AKR1C2: variants seen among roughly 807,000 people sequenced by gnomAD.
AKR1C2 encodes the protein aldo-keto reductase family 1 member C2, also known as 3-alpha-HSD3.
A neutral mutation model predicts 39.8 loss-of-function variants in AKR1C2; 27 were observed. That is an observed-to-expected ratio of 0.68 (90% CI 0.50 to 0.93). The LOEUF is 0.93. Among genes scored for constraint, AKR1C2 ranks in the 40% least tolerant of loss-of-function variants. AKR1C2 has a pLI of 0.00. For missense variants in AKR1C2, 263 were observed against 365.1 expected, an observed-to-expected ratio of 0.72 and a Z score of 2.28; for synonymous variants, 114 against 137.9, an observed-to-expected ratio of 0.83 and a Z score of 1.22.
rs1400412253 is a variant in AKR1C2 at position 4,988,897 on chromosome 10, T to C, written c.*1099A>G. The C allele has an allele frequency of 6.6e-6, 1 of 152,116 alleles. No individual in the cohort carries two copies. The highest frequency in any genetic ancestry group is 1.5e-5 in the Non-Finnish European group (1 of 68,036). 9.4% of individuals were successfully genotyped at this position (152,116 alleles called of 1,614,324 possible). A position where few individuals can be genotyped will look rare whatever the true frequency, so the allele number is the denominator to read the frequency against. On this transcript the variant is annotated 3_prime_UTR_variant, in exon 9 of 9. Coordinates refer to ENST00000380753, the MANE Select transcript of AKR1C2 (RefSeq NM_001393392.1). ...GCCTTTGTAAGAGTTCTTCTTAAAA[T>C]TTACCAAAGTTTGAAACCAGTGTGC...
upstream of AKR1C2, chr10:5,006,598 A>G (rs1428190596): frequency 6.6e-5 from 10 of 152,136 alleles, no homozygotes; most frequent in Admixed American, 4.6e-4. Flanking sequence ...TCCATCTGAA[A>G]AAAACAACAA....
upstream of AKR1C2, among the ~76,000 whole-genome samples, chr10:5,008,106 G>A (rs1199549743): frequency 2.0e-5 from 3 of 151,614 alleles, no homozygotes; most frequent in Non-Finnish European, 4.4e-5. Flanking sequence ...CCAGGCTGAA[G>A]TTGCAAGCGG....
At chr10:5,010,632 C>A (rs1837500174) in intron 1 of AKR1C2, 2 of 152,112 alleles carry the variant, frequency 1.3e-5, no homozygotes, top group Admixed American at 6.6e-5. Flanking sequence ...TTGGCTAGGG[C>A]TGGGTTGCAG....
At chr10:5,001,711 T>C in intron 1 of AKR1C2, 30 bp from the exon 2 acceptor site, 1 of 1,612,922 alleles carries the variant, frequency 6.2e-7, no homozygotes, top group Non-Finnish European at 8.5e-7. Context: ...TAATATTTTC[T>C]GACTAATGTG....
At chr10:5,017,087 C>G (rs782403081) in intron 1 of AKR1C2, among the ~76,000 whole-genome samples, 2 of 152,208 alleles carry the variant, frequency 1.3e-5, no homozygotes, top group Non-Finnish European at 2.9e-5. Context: ...TCCTAAACCT[C>G]CAGGTCTGTG....
In AKR1C2 at chr10:4,998,445, CG is replaced by C. The variant is rs536681963; in HGVS notation, c.570+179del. ...CAGCATCAAAGTTACAACACCTTTT[CG>C]TAAGACTTTTCTAAGCAGGGTACAA... On this transcript the variant is annotated intron_variant, in intron 5 of 8. Transcript: ENST00000380753. Among the ~76,000 whole-genome samples, 37 of 152,182 alleles carry C rather than the reference CG, an allele frequency of 2.4e-4. No homozygotes were observed. In the East Asian group the frequency reaches 7.0e-3, roughly 29 times the overall value.
intron 3 of AKR1C2, chr10:5,000,254 G>A (rs1185024561): frequency 6.9e-7 from 1 of 1,453,064 alleles, no homozygotes; most frequent in Admixed American, 2.8e-5. Flanking sequence ...GGTGAAATCA[G>A]GAATCATAAA....
chr10:5,015,519 T>G (rs570006957), intron 1 of AKR1C2, among the ~76,000 whole-genome samples: 1 of 152,260 alleles, frequency 6.6e-6, no homozygotes, highest in Admixed American at 6.5e-5. Flanking sequence ...GACTCCTCAT[T>G]GGTACAGCCC....
At chr10:5,000,151 C>A in intron 3 of AKR1C2, 18 of 1,313,094 alleles carry the variant, frequency 1.4e-5, no homozygotes, top group Non-Finnish European at 1.5e-5. Context: ...TGAAAAGAGG[C>A]AAGAAGATGG....
Position 4,995,784 on chromosome 10 carries a change from C to T in AKR1C2, c.652G>A (p.Ala218Thr), listed in dbSNP as rs1554772939. 1.2e-6 allele frequency: 2 copies of T among 1,612,052 alleles called. No individual in the cohort carries two copies. The highest frequency in any genetic ancestry group is 2.2e-5 in the South Asian group (2 of 90,750). Residue 218 changes from alanine to threonine, a missense_variant, in exon 6 of 9, where the codon GCT (alanine) becomes ACT (threonine). Physicochemically the swap from Ala to Thr is moderately conservative, Grantham distance 58 (BLOSUM62 0). Around this residue, in one of 3 missense-constraint regions of AKR1C2, gnomAD observed 247 missense variants for 267.9 expected, o/e 0.92. Coordinates refer to ENST00000380753, the MANE Select transcript of AKR1C2 (RefSeq NM_001393392.1). The stretch of plus-strand genomic sequence containing the variant: ...GGTTCTTCTCGATGGGATCCCAGAG[C>T]ACTATAGGCAACCAGAACAATGTCT... ...SKDIVLVAYS[A>T]LGSHREEPWV...
At chr10:4,994,511 C>T (rs1554772653) in intron 7 of AKR1C2, among the ~76,000 whole-genome samples, 2 of 152,138 alleles carry the variant, frequency 1.3e-5, no homozygotes, top group East Asian at 3.9e-4. Flanking sequence ...TGGTTGGTGT[C>T]TCTGAGCCTA....
At chr10:4,992,376 G>A (rs1157056179) in intron 7 of AKR1C2, among the ~76,000 whole-genome samples, 3 of 152,274 alleles carry the variant, frequency 2.0e-5, no homozygotes, top group Middle Eastern at 3.4e-3. Context: ...AAATACTAAC[G>A]ATTTCACATT....
Position 4,991,788 on chromosome 10 carries a change from C to T in AKR1C2, c.929+43G>A, listed in dbSNP as rs571974813. 2.4e-3 allele frequency: 985 copies of T among 416,442 alleles called. 9 individuals are homozygous for T. The highest frequency in any genetic ancestry group is 0.023 in the African/African-American group (908 of 40,010). The allele number at this position is 416,442 out of a possible 1,614,324, so 25.8% of individuals were successfully genotyped here. On this transcript the variant is annotated intron_variant, in intron 8 of 8. Transcript: ENST00000380753. ...CTCTCAACACCCATCCTACGTTCCT[C>T]CTCTGAAAATAAATTAGGACAACCA...
At position 4,992,262 on chromosome 10, in the gene AKR1C2, A is replaced by G. The variant is rs547221789; in HGVS notation, c.847-349T>C. On this transcript the variant is annotated intron_variant, in intron 7 of 8. Coordinates refer to ENST00000380753, the MANE Select transcript of AKR1C2 (RefSeq NM_001393392.1). ...AGAGGCAAATTTTGTAATGTCTAGC[A>G]TAATTTAGTAGGTTTGATGAATAAC... Among the ~76,000 whole-genome samples, 4 of 152,170 alleles carry G rather than the reference A, an allele frequency of 2.6e-5. No individual in the cohort carries two copies. The East Asian group carries it at 7.7e-4, about 29-fold the overall frequency.
upstream of AKR1C2, among the ~76,000 whole-genome samples, chr10:5,008,331 C>T (rs1163215738): frequency 2.6e-5 from 4 of 151,204 alleles, no homozygotes; most frequent in African/African-American, 9.8e-5. Flanking sequence ...ATCTAGGTGG[C>T]AAGTGCCAAG....
upstream of AKR1C2, chr10:5,006,670 G>T (rs1391363843): frequency 6.6e-6 from 1 of 152,026 alleles, no homozygotes; most frequent in Non-Finnish European, 1.5e-5. Context: ...TGGACAAGGT[G>T]ATCCACAGAT....
At position 4,989,826 on chromosome 10, in the gene AKR1C2, A is replaced by G. The variant is rs1554771919; in HGVS notation, c.*170T>C. The G allele has an allele frequency of 1.9e-6, 2 of 1,029,430 alleles. No individual in the cohort carries two copies. Among genetic ancestry groups the G allele is most frequent in the Non-Finnish European group, 2.8e-6 (2 of 712,642 alleles). The allele number at this position is 1,029,430 out of a possible 1,614,324, so 63.8% of individuals were successfully genotyped here. ...TTAATTTTTTCAAAATGAAAAACAA[A>G]ATTATTGTCTTTCTTTTCCGGCCGA... On this transcript the variant is annotated 3_prime_UTR_variant, in exon 9 of 9. Transcript: ENST00000380753.
intron 3 of AKR1C2, 31 bp downstream of exon 3, chr10:5,000,519 T>C: frequency 6.2e-7 from 1 of 1,613,392 alleles, no homozygotes; most frequent in South Asian, 1.1e-5. Context: ...AGAACAAAAG[T>C]GAAATTAATT....
chr10:5,014,444 C>T (rs1238198586), intron 1 of AKR1C2, among the ~76,000 whole-genome samples: 5 of 152,000 alleles, frequency 3.3e-5, no homozygotes, highest in African/African-American at 7.3e-5. Flanking sequence ...GCATCTCATC[C>T]GAAATGCATG....
Sources: allele counts gnomAD v4.1 joint callset (sites outside exome capture counted in the v4.1 genomes callset), GRCh38; gene constraint gnomAD v4.1.1; regional missense constraint gnomAD v4.1.1; transcripts MANE v1.5; gene names NCBI Gene and HGNC (gene_info 2026-07-23, HGNC 2026-07-21).